Variants in SLC4A10 observed in about 807,000 individuals in gnomAD.
SLC4A10 encodes sodium-driven chloride bicarbonate exchanger.
Under a neutral mutation model 137.7 loss-of-function variants are expected in SLC4A10, and 42 were observed. The ratio of observed to expected loss-of-function variants is 0.30; its 90% CI spans 0.24 to 0.39. The LOEUF (loss-of-function observed/expected upper bound fraction) is 0.39, where lower values mean the gene tolerates loss of function less well. Among genes scored for constraint, SLC4A10 ranks in the 10% least tolerant of loss-of-function variants. The pLI, the probability that SLC4A10 is intolerant of heterozygous loss-of-function variation, is 1.00. For synonymous variants in SLC4A10, 474 were observed against 464.1 expected (o/e 1.02, Z -0.27); for missense variants, 925 against 1,355.0 (o/e 0.68, Z 4.98).
chr2:161,887,181 C>A (rs912971657), intron 10 of SLC4A10, among the ~76,000 whole-genome samples: 3 of 152,094 alleles, frequency 2.0e-5, no homozygotes, highest in African/African-American at 7.2e-5. Flanking sequence ...TTTCTTTATC[C>A]AGTCTATCAT....
At chr2:161,655,536 A>T (rs1390728021) in intron 1 of SLC4A10, among the ~76,000 whole-genome samples, 1 of 152,198 alleles carries the variant, frequency 6.6e-6, no homozygotes, top group Admixed American at 6.5e-5. Flanking sequence ...AGATTAAATT[A>T]GTCACCAAAA....
chr2:161,846,228 T>C (rs2059484817), intron 4 of SLC4A10, among the ~76,000 whole-genome samples: 1 of 152,134 alleles, frequency 6.6e-6, no homozygotes, highest in African/African-American at 2.4e-5. Context: ...AAATGTTCAA[T>C]ATCATTAGTC....
intron 1 of SLC4A10, among the ~76,000 whole-genome samples, chr2:161,633,783 A>C (rs1573998459): frequency 6.6e-6 from 1 of 151,806 alleles, no homozygotes; most frequent in Non-Finnish European, 1.5e-5. Context: ...AATGATATAA[A>C]TTGATAATTA....
At chr2:161,856,145 T>C (rs1041637885) in intron 5 of SLC4A10, among the ~76,000 whole-genome samples, 1 of 152,036 alleles carries the variant, frequency 6.6e-6, no homozygotes, top group African/African-American at 2.4e-5. Context: ...ACTTTAAGCC[T>C]AGTGTTTTTT....
At chr2:161,886,629 A>T (rs2062316416) in intron 10 of SLC4A10, among the ~76,000 whole-genome samples, 1 of 152,006 alleles carries the variant, frequency 6.6e-6, no homozygotes, top group African/African-American at 2.4e-5. Flanking sequence ...GAACTGCTAA[A>T]TTTTTTTGTG....
rs1345291010 is a variant in SLC4A10 at position 161,624,620 on chromosome 2, T to C, written c.48+54T>C. 38 of 1,550,504 alleles carry C rather than the reference T, an allele frequency of 2.5e-5. No homozygotes were observed. In the South Asian group the frequency reaches 3.3e-4, roughly 14 times the overall value. ...TAACCGCGTTTGCTGCAAAACCTGT[T>C]AGGCAAGCGGTCTGCTAGCTAGGTG... On this transcript the variant is annotated intron_variant, in intron 1 of 26. Transcript: ENST00000446997.
In SLC4A10 at chr2:161,862,938, T is replaced by G. The variant is rs758528961; in HGVS notation, c.642T>G (p.His214Gln). Residue 214 changes from histidine (H) to glutamine (Q), a missense_variant, in exon 6 of 27, where the codon CAT becomes CAG. Coordinates refer to ENST00000446997, the MANE Select transcript of SLC4A10 (RefSeq NM_001178015.2). ...QLNEDVRHRV[H>Q]EALMKQHHHQ... ...ATGAAGATGTACGCCATAGGGTCCATGAGGCATTGATGAAACAGCATCATC... is the reference window on the plus strand; with the variant it reads ...ATGAAGATGTACGCCATAGGGTCCAGGAGGCATTGATGAAACAGCATCATC... 6.2e-7 allele frequency: 1 copy of G among 1,613,686 alleles called. No homozygotes were observed. The highest frequency in any genetic ancestry group is 8.5e-7 in the Non-Finnish European group (1 of 1,179,758).
intron 11 of SLC4A10, 113 bp from the exon 12 acceptor site, chr2:161,900,798 G>T: frequency 1.4e-6 from 1 of 691,516 alleles, no homozygotes. Flanking sequence ...CAGAGCCTGG[G>T]TTCTCAGCTA....
At chr2:161,932,984 T>C (rs2105652720) in intron 15 of SLC4A10, among the ~76,000 whole-genome samples, 1 of 152,314 alleles carries the variant, frequency 6.6e-6, no homozygotes, top group Middle Eastern at 3.4e-3. Context: ...TTGGTCTTTC[T>C]GTGCCTGGCT....
At chr2:161,887,315 C>G (rs76296250) in intron 10 of SLC4A10, among the ~76,000 whole-genome samples, 34,344 of 151,984 alleles carry the variant, frequency 0.23, 4,855 homozygotes, top group Admixed American at 0.35. Flanking sequence ...ATTTAGAATT[C>G]TTCAGGTATA....
rs547135502 is a variant in SLC4A10 at position 161,785,176 on chromosome 2, C to T, written c.130+14122C>T. Among the ~76,000 whole-genome samples, 16 of 151,262 alleles carry T rather than the reference C, an allele frequency of 1.1e-4. No individual in the cohort carries two copies. In the South Asian group the frequency reaches 1.5e-3, roughly 14 times the overall value. ...CTAGGAACATAAAATCTACCAAACA[C>T]GAAACAAGAAGATATAGAAAATCTG... On this transcript the variant is annotated intron_variant, in intron 2 of 26. Transcript: ENST00000446997.
At chr2:161,907,622 C>G (rs1370664593) in intron 15 of SLC4A10, among the ~76,000 whole-genome samples, 1 of 152,096 alleles carries the variant, frequency 6.6e-6, no homozygotes, top group Non-Finnish European at 1.5e-5. Context: ...GCACCTAACC[C>G]AGATTTGAGG....
chr2:161,963,610 G>A (rs922214448), intron 21 of SLC4A10, among the ~76,000 whole-genome samples: 1 of 152,220 alleles, frequency 6.6e-6, no homozygotes, highest in African/African-American at 2.4e-5. Flanking sequence ...TTAAAATACC[G>A]TACTTAGCAG....
chr2:161,887,217 G>A (rs1302388785), intron 10 of SLC4A10, among the ~76,000 whole-genome samples: 5 of 152,150 alleles, frequency 3.3e-5, no homozygotes, highest in African/African-American at 9.7e-5. Flanking sequence ...TTGGTTCCAA[G>A]TCTTTGCTAT....
At chr2:161,982,835 G>A (rs899944197) in intron 26 of SLC4A10, among the ~76,000 whole-genome samples, 1 of 152,274 alleles carries the variant, frequency 6.6e-6, no homozygotes, top group Admixed American at 6.5e-5. Context: ...GTCTTAAGAT[G>A]GGGGCATGGC....
At chr2:161,839,966 A>T in intron 4 of SLC4A10, 39 bp downstream of exon 4, 1 of 1,605,006 alleles carries the variant, frequency 6.2e-7, no homozygotes, top group Non-Finnish European at 8.5e-7. Flanking sequence ...ATACTAAAGA[A>T]TTTTCATGTT....
chr2:161,839,771 A>G lies in SLC4A10; in HGVS notation c.278-18A>G. 6.2e-7 allele frequency: 1 copy of G among 1,613,236 alleles called. No individual in the cohort carries two copies. Reference sequence around the variant, plus strand: ...TGGTAATACATGTTCATGGTAATACATGTCTCTGATTTTTTAGACACCCCA... The same window carrying G: ...TGGTAATACATGTTCATGGTAATACGTGTCTCTGATTTTTTAGACACCCCA... On this transcript the variant is annotated intron_variant, in intron 3 of 26. Transcript: ENST00000446997.
intron 3 of SLC4A10, among the ~76,000 whole-genome samples, chr2:161,822,750 A>G (rs2057726346): frequency 1.3e-5 from 2 of 151,366 alleles, no homozygotes. Context: ...CTAGAAACAC[A>G]GATCACTTGA....
At chr2:161,923,247 A>G (rs1409898746) in intron 15 of SLC4A10, among the ~76,000 whole-genome samples, 1 of 152,218 alleles carries the variant, frequency 6.6e-6, no homozygotes, top group Non-Finnish European at 1.5e-5. Context: ...TAAAAGATGT[A>G]TTTTATAAAA....
Sources: gnomAD v4.1 joint callset for allele counts (sites outside exome capture counted in the v4.1 genomes callset) on GRCh38, gnomAD v4.1.1 for gene constraint, MANE v1.5 for transcripts, NCBI Gene and HGNC (gene_info 2026-07-23, HGNC 2026-07-21) for gene names.